SPTAN1: variants seen among roughly 807,000 people sequenced by gnomAD.
SPTAN1 encodes the protein spectrin alpha chain, non-erythrocytic 1.
In SPTAN1, 61 loss-of-function variants were observed where a neutral mutation model predicts 331.3. That is an observed-to-expected ratio of 0.18 (90% CI 0.15 to 0.23). The LOEUF is 0.23. Ranked by LOEUF, SPTAN1 falls within the 10% of genes least tolerant of loss-of-function variation. The pLI, the probability that SPTAN1 is intolerant of heterozygous loss-of-function variation, is 1.00. For missense variants in SPTAN1, 2,043 were observed against 3,147.9 expected (o/e 0.65, Z 8.40); for synonymous variants, 1,153 against 1,173.9 (o/e 0.98, Z 0.36).
In SPTAN1 at chr9:128,607,608, C is replaced by G; in HGVS notation, c.4051C>G (p.Leu1351Val). Residue 1351 changes from leucine to valine, a missense_variant, in exon 32 of 57, where the codon CTC (leucine) becomes GTC (valine). Around this residue, in one of 12 missense-constraint regions of SPTAN1, gnomAD observed 179 missense variants for 215.7 expected, o/e 0.83. Transcript: ENST00000372739. The part of the protein sequence containing the change: ...LQRFLSDFRD[L>V]MSWINGIRGL... The stretch of plus-strand genomic sequence containing the variant: ...TTCTGGGGTGCTGGTTTCCAGGGAC[C>G]TCATGTCTTGGATCAATGGAATACG... 1 of 1,613,834 alleles carries G rather than the reference C, an allele frequency of 6.2e-7. No individual in the cohort carries two copies. Among genetic ancestry groups the G allele is most frequent in the Non-Finnish European group, 8.5e-7 (1 of 1,179,880 alleles).
At position 128,558,363 on chromosome 9, in the gene SPTAN1, TAC is replaced by T. The variant is rs534728242; in HGVS notation, c.-4+5668_-4+5669del. Among the ~76,000 whole-genome samples, 200 of 152,344 alleles carry T rather than the reference TAC, an allele frequency of 1.3e-3. 1 individual carries two copies. The highest frequency in any genetic ancestry group is 1.4e-3 in the Non-Finnish European group (98 of 68,034). The stretch of plus-strand genomic sequence containing the variant: ...CCTCTAATAATATTTTGCAAATATA[TAC>T]CTTTTTTTTTAAGTTACCTTAAATG... On this transcript the variant is annotated intron_variant, in intron 1 of 56. Transcript: ENST00000372739.
In SPTAN1 at chr9:128,583,288, G is replaced by A. The variant is rs771256002; in HGVS notation, c.2011+7G>A. On this transcript the variant is annotated splice_region_variant and intron_variant, in intron 15 of 56. Transcript: ENST00000372739. ...GAGGCCACTGAACTGAAAGGTAAGA[G>A]ATGTTCCATTGAATTGTGACATGCA... The A allele has an allele frequency of 6.2e-7, 1 of 1,613,276 alleles. No individual in the cohort carries two copies. The highest frequency in any genetic ancestry group is 8.5e-7 in the Non-Finnish European group (1 of 1,179,832).
chr9:128,555,975 G>A (rs1261161400), intron 1 of SPTAN1, among the ~76,000 whole-genome samples: 4 of 151,882 alleles, frequency 2.6e-5, no homozygotes, highest in Non-Finnish European at 5.9e-5. Flanking sequence ...TAATCCCAGC[G>A]CTTTGGGAGG....
Position 128,574,682 on chromosome 9 carries a change from T to G in SPTAN1, c.371T>G (p.Leu124Trp). 2 of 1,614,220 alleles carry G rather than the reference T, an allele frequency of 1.2e-6. No individual in the cohort carries two copies. Among genetic ancestry groups the G allele is most frequent in the Non-Finnish European group, 1.7e-6 (2 of 1,180,028 alleles). The change falls in exon 4 of 57, where the codon TTG becomes TGG. Residue 124 changes from leucine (L) to tryptophan (W), a missense_variant. Leu to Trp is a moderately conservative substitution (Grantham distance 61). Coordinates refer to ENST00000372739, the MANE Select transcript of SPTAN1 (RefSeq NM_001130438.3). The part of the protein sequence containing the change: ...HFASETIRTR[L>W]MELHRQWELL... ...CTGATTTGAAACTTTCAGACCCGTT[T>G]GATGGAGCTGCACCGCCAGTGGGAA...
Position 128,588,947 on chromosome 9 carries a change from A to G in SPTAN1, c.3006+4A>G, listed in dbSNP as rs1358966350. On this transcript the variant is annotated splice_donor_region_variant and intron_variant, in intron 21 of 56. Transcript: ENST00000372739. Reference sequence around the variant, plus strand: ...CTTACTCAACAGCACCAACAAGGCAAGGCACAGAGAGTGGCTGTGTGTTTG... The same window carrying G: ...CTTACTCAACAGCACCAACAAGGCAGGGCACAGAGAGTGGCTGTGTGTTTG... The G allele has an allele frequency of 6.2e-7, 1 of 1,613,890 alleles. No homozygotes were observed. Among genetic ancestry groups the G allele is most frequent in the Non-Finnish European group, 8.5e-7 (1 of 1,179,924 alleles).
At chr9:128,594,860 C>CGA (rs1854048666) in intron 24 of SPTAN1, among the ~76,000 whole-genome samples, 1 of 101,748 alleles carries the variant, frequency 9.8e-6, no homozygotes, top group Non-Finnish European at 1.8e-5. Flanking sequence ...CAGAGTCTCT[C>CGA]TTTTGTCGCC....
chr9:128,579,878 A>T, intron 10 of SPTAN1, 140 bp downstream of exon 10: 1 of 755,814 alleles, frequency 1.3e-6, no homozygotes, highest in Non-Finnish European at 2.3e-6. Flanking sequence ...GCAGAGGTTT[A>T]AAAAGAAGGT....
At position 128,575,183 on chromosome 9, in the gene SPTAN1, T is replaced by C. The variant is rs949525405; in HGVS notation, c.505-16T>C. 5 of 1,614,016 alleles carry C rather than the reference T, an allele frequency of 3.1e-6. No individual in the cohort carries two copies. The African/African-American group carries it at 5.3e-5, about 17-fold the overall frequency. On this transcript the variant is annotated splice_polypyrimidine_tract_variant and intron_variant, in intron 4 of 56. Transcript: ENST00000372739. ...TGTTGGTTGGTGACTCTGGCTCTCT[T>C]ATGGTCCCTGAATAGGAAGCAATTG...
At chr9:128,588,269 T>C (rs1246029696) in intron 20 of SPTAN1, among the ~76,000 whole-genome samples, 1 of 151,442 alleles carries the variant, frequency 6.6e-6, no homozygotes, top group Non-Finnish European at 1.5e-5. Context: ...GTGCTGGGAT[T>C]ATAGGTATGA....
intron 43 of SPTAN1, 26 bp from the exon 44 acceptor site, chr9:128,618,845 A>AT: frequency 6.2e-7 from 1 of 1,613,906 alleles, no homozygotes; most frequent in Admixed American, 1.7e-5. Context: ...ATTATGGCTG[A>AT]TTTTCTTCCT....
chr9:128,554,533 T>C (rs935781050), intron 1 of SPTAN1, among the ~76,000 whole-genome samples: 4 of 152,046 alleles, frequency 2.6e-5, no homozygotes, highest in Non-Finnish European at 4.4e-5. Flanking sequence ...GAAAAGTGGA[T>C]CTCAGGAATA....
intron 1 of SPTAN1, among the ~76,000 whole-genome samples, chr9:128,554,485 C>T (rs1848439260): frequency 6.6e-6 from 1 of 152,170 alleles, no homozygotes; most frequent in Non-Finnish European, 1.5e-5. Context: ...TTTTTCTTAC[C>T]TGCCTTCATC....
rs560019135 is a variant in SPTAN1, at chr9:128,568,759, G to A, written c.238-13G>A. 10 of 1,613,882 alleles carry A rather than the reference G, an allele frequency of 6.2e-6. No individual in the cohort carries two copies. The highest frequency in any genetic ancestry group is 7.6e-6 in the Non-Finnish European group (9 of 1,179,894). ...TGGTTGCGTCTGAGGCTCACTTCAA[G>A]GTCCGCCAACAGGGAAAGCTTCAGA... On this transcript the variant is annotated splice_polypyrimidine_tract_variant and intron_variant, in intron 2 of 56. Transcript: ENST00000372739.
chr9:128,618,888 A>G lies in SPTAN1; in HGVS notation c.5618A>G (p.Glu1873Gly), dbSNP rs1004482069. Residue 1873 changes from glutamate to glycine, a missense_variant, in exon 44 of 57, where the codon GAG becomes GGG. This residue lies in a region of SPTAN1 where 323 missense variants were observed against 581.1 expected (regional missense o/e 0.56). Transcript: ENST00000372739. ...LAAARGQRLE[E>G]SLEYQQFVAN... Reference sequence around the variant, plus strand: ...GTAATTAGGGGTCAGCGGCTGGAAGAGTCCTTGGAATATCAGCAGTTTGTA... The same window carrying G: ...GTAATTAGGGGTCAGCGGCTGGAAGGGTCCTTGGAATATCAGCAGTTTGTA... The G allele has an allele frequency of 1.2e-6, 2 of 1,614,166 alleles. No homozygotes were observed. The highest frequency in any genetic ancestry group is 1.7e-6 in the Non-Finnish European group (2 of 1,180,028).
At chr9:128,607,758 G>A in intron 32 of SPTAN1, 55 bp downstream of exon 32, 1 of 1,611,474 alleles carries the variant, frequency 6.2e-7, no homozygotes, top group Admixed American at 1.7e-5. Flanking sequence ...CAGGGCCCTA[G>A]AGGCCTCATT....
Position 128,577,045 on chromosome 9 carries a change from C to T in SPTAN1, c.786-84C>T. ...GGCATGTGCTGGTGAGCTGTCGAGG[C>T]TGACTAGGCCTTGGTCCCATGGGGT... On this transcript the variant is annotated intron_variant, in intron 6 of 56. Coordinates refer to ENST00000372739, the MANE Select transcript of SPTAN1 (RefSeq NM_001130438.3). This position sits in a 1 kb window ranked among gnomAD's most constrained non-coding sequence, Gnocchi z 4.2. 6.2e-7 allele frequency: 1 copy of T among 1,613,820 alleles called. No individual in the cohort carries two copies.
intron 19 of SPTAN1, among the ~76,000 whole-genome samples, chr9:128,586,593 A>C (rs1852669579): frequency 2.6e-5 from 4 of 152,162 alleles, no homozygotes; most frequent in Admixed American, 2.6e-4. Flanking sequence ...GCACACATAC[A>C]TATATACATA....
intron 1 of SPTAN1, chr9:128,553,327 C>G (rs866553899): frequency 3.3e-5 from 5 of 152,194 alleles, no homozygotes; most frequent in Non-Finnish European, 7.3e-5. Flanking sequence ...AAACATTTTT[C>G]TTTCTTCCTA....
intron 45 of SPTAN1, chr9:128,622,215 C>T (rs1857962792): frequency 1.3e-5 from 2 of 151,966 alleles, no homozygotes; most frequent in South Asian, 2.1e-4. Flanking sequence ...GACACACACC[C>T]AGACAACATT....
Sources: gnomAD v4.1 joint callset for allele counts (sites outside exome capture counted in the v4.1 genomes callset) on GRCh38, gnomAD v4.1.1 for gene constraint, gnomAD v4.1.1 regional missense constraint, Gnocchi (gnomAD v3.1) non-coding constraint, MANE v1.5 for transcripts, NCBI Gene and HGNC (gene_info 2026-07-23, HGNC 2026-07-21) for gene names.